Variants in IBTK observed in about 807,000 individuals in gnomAD.
IBTK encodes the protein BTK-binding protein.
In IBTK, 83 loss-of-function variants were observed where a neutral mutation model predicts 154.9. The ratio of observed to expected loss-of-function variants is 0.54; its 90% CI spans 0.45 to 0.64. The LOEUF (loss-of-function observed/expected upper bound fraction) is 0.64. IBTK is among the 30% of genes least tolerant of loss of function. The pLI, the probability that IBTK is intolerant of heterozygous loss-of-function variation, is 0.00. For synonymous variants in IBTK, 515 were observed against 536.1 expected, an observed-to-expected ratio of 0.96 and a Z score of 0.54; for missense variants, 1,332 against 1,584.6, an observed-to-expected ratio of 0.84 and a Z score of 2.71.
intron 28 of IBTK, among the ~76,000 whole-genome samples, 188 bp downstream of exon 28, chr6:82,172,192 T>C (rs1355147409): frequency 6.6e-6 from 1 of 152,210 alleles, no homozygotes. Flanking sequence ...AGTCATAAAT[T>C]AATTGCCCTG....
chr6:82,224,012 T>C (rs1027304223), intron 7 of IBTK, 56 bp downstream of exon 7: 1 of 958,484 alleles, frequency 1.0e-6, no homozygotes, highest in Non-Finnish European at 1.6e-6. Flanking sequence ...AAAGAAAAGA[T>C]AATTTTTTAA....
chr6:82,181,830 A>G (rs1316122414), intron 26 of IBTK, 49 bp downstream of exon 26: 6 of 1,318,404 alleles, frequency 4.6e-6, no homozygotes, highest in Non-Finnish European at 5.2e-6. Flanking sequence ...AAACCACCAC[A>G]GAATATTTTA....
chr6:82,176,232 A>G (rs1186991619), intron 26 of IBTK, among the ~76,000 whole-genome samples: 4 of 151,688 alleles, frequency 2.6e-5, no homozygotes, highest in Non-Finnish European at 5.9e-5. Context: ...CTAATTAGAA[A>G]CACAAGCTCA....
intron 26 of IBTK, among the ~76,000 whole-genome samples, chr6:82,174,624 A>G (rs1212296708): frequency 6.6e-6 from 1 of 152,198 alleles, no homozygotes; most frequent in Non-Finnish European, 1.5e-5. Context: ...ATAGAGCCAG[A>G]GTACAAAATG....
At chr6:82,219,818 C>T (rs1440686872) in intron 9 of IBTK, among the ~76,000 whole-genome samples, 2 of 151,978 alleles carry the variant, frequency 1.3e-5, no homozygotes, top group Admixed American at 1.3e-4. Context: ...ATAATGTATA[C>T]ATATATTATA....
Position 82,224,637 on chromosome 6 carries a change from T to A in IBTK, c.826-452A>T, listed in dbSNP as rs111482820. On this transcript the variant is annotated intron_variant, in intron 6 of 28. Transcript: ENST00000306270. ...TGCACTACTGTGCACCTTCTGGAGA[T>A]GGCTGTGCACATGAGAGTAAAAAAG... Among the ~76,000 whole-genome samples, 463 of 152,314 alleles carry A rather than the reference T, an allele frequency of 3.0e-3. 4 individuals are homozygous for A. Among genetic ancestry groups the A allele is most frequent in the African/African-American group, 0.01 (428 of 41,584 alleles).
intron 16 of IBTK, 63 bp downstream of exon 16, chr6:82,210,751 G>A (rs182912282): frequency 2.3e-5 from 15 of 639,332 alleles, no homozygotes; most frequent in South Asian, 2.3e-4. Flanking sequence ...TAAGATTCAC[G>A]TTGATTTTAC....
intron 1 of IBTK, 136 bp from the exon 2 acceptor site, chr6:82,240,979 A>G (rs942560415): frequency 6.8e-5 from 27 of 395,084 alleles, no homozygotes; most frequent in African/African-American, 5.6e-4. Context: ...CTGGAACACT[A>G]AGCTTACGGG....
intron 3 of IBTK, 108 bp from the exon 4 acceptor site, chr6:82,231,950 T>C: frequency 1.7e-6 from 1 of 579,650 alleles, no homozygotes; most frequent in Non-Finnish European, 2.9e-6. Context: ...TGAATGAATA[T>C]ATTAATATGA....
chr6:82,237,069 G>A (rs146165106), intron 2 of IBTK, among the ~76,000 whole-genome samples: 187 of 152,198 alleles, frequency 1.2e-3, no homozygotes, highest in South Asian at 3.3e-3. Context: ...GATTTCGATG[G>A]GGCAATAAAA....
intron 25 of IBTK, among the ~76,000 whole-genome samples, chr6:82,189,854 G>T (rs1003033364): frequency 6.6e-6 from 1 of 152,162 alleles, no homozygotes; most frequent in Non-Finnish European, 1.5e-5. Flanking sequence ...CTTGACAGTG[G>T]TTCCAATAAC....
At chr6:82,179,796 AC>A (rs1209373828) in intron 26 of IBTK, among the ~76,000 whole-genome samples, 1 of 152,214 alleles carries the variant, frequency 6.6e-6, no homozygotes, top group Non-Finnish European at 1.5e-5. Flanking sequence ...GTGTGCCCAG[AC>A]CACATGAGAG....
At chr6:82,173,242 T>C (rs1582173752) in intron 27 of IBTK, 125 bp downstream of exon 27, 1 of 597,552 alleles carries the variant, frequency 1.7e-6, no homozygotes, top group Non-Finnish European at 2.9e-6. Flanking sequence ...CCTCAGATGA[T>C]CCACCCGCCT....
chr6:82,172,637 G>A (rs1428860648), intron 27 of IBTK, 125 bp from the exon 28 acceptor site: 1 of 728,410 alleles, frequency 1.4e-6, no homozygotes, highest in South Asian at 2.4e-5. Flanking sequence ...GAACCTGGAA[G>A]CTTTCACAGA....
At chr6:82,181,258 A>G (rs1043867264) in intron 26 of IBTK, among the ~76,000 whole-genome samples, 1 of 152,180 alleles carries the variant, frequency 6.6e-6, no homozygotes, top group Non-Finnish European at 1.5e-5. Flanking sequence ...AAAAATAGCT[A>G]GAGAAAAAAT....
In IBTK at chr6:82,216,825, A is replaced by G. The variant is rs1054789406; in HGVS notation, c.1427-575T>C. On this transcript the variant is annotated intron_variant, in intron 10 of 28. Coordinates refer to ENST00000306270, the MANE Select transcript of IBTK (RefSeq NM_015525.4). Reference sequence around the variant, plus strand: ...ACACAATCTAGCAGGGAAGACAGACATTACACAAATGATTATATCATTACA... The same window carrying G: ...ACACAATCTAGCAGGGAAGACAGACGTTACACAAATGATTATATCATTACA... 5.3e-5 allele frequency among the ~76,000 whole-genome samples: 8 copies of G among 152,300 alleles called. 1 individual carries two copies. The South Asian group carries it at 8.3e-4, about 16-fold the overall frequency.
intron 23 of IBTK, among the ~76,000 whole-genome samples, chr6:82,192,874 C>T (rs796103245): frequency 2.0e-5 from 3 of 151,838 alleles, no homozygotes; most frequent in Non-Finnish European, 2.9e-5. Flanking sequence ...CCGAGGTGGG[C>T]GGATCACAAG....
intron 18 of IBTK, 40 bp downstream of exon 18, chr6:82,202,488 T>C (rs774917061): frequency 3.9e-6 from 4 of 1,022,900 alleles, no homozygotes; most frequent in Non-Finnish European, 6.1e-6. Context: ...TATAAATATC[T>C]CCTTTTGCAA....
intron 21 of IBTK, among the ~76,000 whole-genome samples, 179 bp downstream of exon 21, chr6:82,199,962 G>C (rs554798167): frequency 2.4e-4 from 37 of 152,244 alleles, no homozygotes; most frequent in African/African-American, 8.7e-4. Context: ...CCTGATCTCA[G>C]ATTAGTTTGA....
Sources: allele counts gnomAD v4.1 joint callset (sites outside exome capture counted in the v4.1 genomes callset), GRCh38; gene constraint gnomAD v4.1.1; transcripts MANE v1.5; gene names NCBI Gene and HGNC (gene_info 2026-07-23, HGNC 2026-07-21).